The following ADAM19 variants were observed in gnomAD, a reference collection of about 807,000 sequenced individuals.
The protein encoded by ADAM19 is ADAM metallopeptidase domain 19.
A neutral mutation model predicts 114.7 loss-of-function variants in ADAM19; 65 were observed. That is an observed-to-expected ratio of 0.57 (90% confidence interval 0.46 to 0.70). ADAM19 has a LOEUF of 0.70. ADAM19 is among the 30% of genes least tolerant of loss of function. The pLI, the probability that ADAM19 is intolerant of heterozygous loss-of-function variation, is 0.00. For synonymous variants in ADAM19, 466 were observed against 460.5 expected (o/e 1.01, Z -0.15); for missense variants, 1,063 against 1,204.7 (o/e 0.88, Z 1.74).
At chr5:157,567,064 C>T (rs1398279975) in intron 2 of ADAM19, among the ~76,000 whole-genome samples, 1 of 152,188 alleles carries the variant, frequency 6.6e-6, no homozygotes, top group East Asian at 1.9e-4. Context: ...TTACTTCTTG[C>T]ATGTCTGAGA....
At chr5:157,488,932 A>C (rs2113693319) in intron 20 of ADAM19, among the ~76,000 whole-genome samples, 170 bp downstream of exon 20, 1 of 152,314 alleles carries the variant, frequency 6.6e-6, no homozygotes, top group African/African-American at 2.4e-5. Context: ...TGGGAGGCTG[A>C]GGCAGGAGAA....
At chr5:157,555,246 T>C (rs533685560) in intron 3 of ADAM19, among the ~76,000 whole-genome samples, 12 of 152,272 alleles carry the variant, frequency 7.9e-5, no homozygotes, top group South Asian at 4.1e-4. Context: ...TCTTCATTGG[T>C]TGGTTGTGAC....
At chr5:157,517,852 A>G (rs142994977) in intron 7 of ADAM19, among the ~76,000 whole-genome samples, 123 of 152,354 alleles carry the variant, frequency 8.1e-4, no homozygotes, top group African/African-American at 2.9e-3. Flanking sequence ...CTATGCCTTT[A>G]GGTCAGTGGT....
rs191259967 is a variant in ADAM19 at position 157,491,033 on chromosome 5, C to T, written c.2096-579G>A. ...AAGTGGTTAATGTAAATATAGAGAA[C>T]GTATTTGTACTAACAAAACACTACT... On this transcript the variant is annotated intron_variant, in intron 18 of 22. Transcript: ENST00000257527. Among the ~76,000 whole-genome samples, 1,157 of 152,046 alleles carry T rather than the reference C, an allele frequency of 7.6e-3. 7 individuals carry two copies. Among genetic ancestry groups the T allele is most frequent in the Non-Finnish European group, 0.013 (859 of 68,016 alleles).
At chr5:157,533,122 G>A (rs1756670080) in intron 4 of ADAM19, among the ~76,000 whole-genome samples, 1 of 152,154 alleles carries the variant, frequency 6.6e-6, no homozygotes, top group African/African-American at 2.4e-5. Flanking sequence ...CATGCAGCCA[G>A]ATCAAAGGAT....
intron 21 of ADAM19, among the ~76,000 whole-genome samples, chr5:157,484,350 C>T (rs1754859784): frequency 6.6e-6 from 1 of 152,168 alleles, no homozygotes; most frequent in Non-Finnish European, 1.5e-5. Context: ...ACATCTTTGG[C>T]TTCCAGAACA....
intron 3 of ADAM19, among the ~76,000 whole-genome samples, chr5:157,555,126 T>C (rs1056508141): frequency 6.6e-6 from 1 of 152,192 alleles, no homozygotes; most frequent in African/African-American, 2.4e-5. Flanking sequence ...CAAACAGATC[T>C]AGTTTCACAT....
intron 21 of ADAM19, among the ~76,000 whole-genome samples, chr5:157,485,281 A>AT (rs1294331625): frequency 1.3e-5 from 2 of 152,228 alleles, no homozygotes; most frequent in Non-Finnish European, 2.9e-5. Flanking sequence ...AGTGACTTTC[A>AT]TTTTTTAAAA....
intron 22 of ADAM19, chr5:157,481,517 G>C (rs1300536215): frequency 4.2e-6 from 5 of 1,185,128 alleles, no homozygotes; most frequent in Non-Finnish European, 5.8e-6. Context: ...ACAGACTCAA[G>C]AGGGACTTGC....
chr5:157,547,947 C>T (rs1177363907), intron 3 of ADAM19, among the ~76,000 whole-genome samples: 2 of 152,212 alleles, frequency 1.3e-5, no homozygotes, highest in African/African-American at 4.8e-5. Context: ...GCCTACAAGG[C>T]CCTTTAAGGA....
intron 2 of ADAM19, 86 bp downstream of exon 2, chr5:157,570,809 G>A (rs1757798274): frequency 1.7e-6 from 2 of 1,170,052 alleles, no homozygotes; most frequent in Non-Finnish European, 2.5e-6. Flanking sequence ...TAATGGTGAT[G>A]ACTGGGATTC....
Position 157,480,707 on chromosome 5 carries a change from A to G in ADAM19, c.*242T>C. On this transcript the variant is annotated 3_prime_UTR_variant, in exon 23 of 23. Coordinates refer to ENST00000257527, the MANE Select transcript of ADAM19 (RefSeq NM_033274.5). ...ACCCTCCTCATACTCTCCCCTCCCT[A>G]CCTGGGGCTGTATATTGCACAAAAC... The G allele has an allele frequency of 7.5e-7, 1 of 1,328,746 alleles. No individual in the cohort carries two copies. Among genetic ancestry groups the G allele is most frequent in the Non-Finnish European group, 9.6e-7 (1 of 1,037,892 alleles). 82.3% of individuals were successfully genotyped at this position (1,328,746 alleles called of 1,614,324 possible).
Sources: allele counts gnomAD v4.1 joint callset (sites outside exome capture counted in the v4.1 genomes callset), GRCh38; gene constraint gnomAD v4.1.1; transcripts MANE v1.5; gene names NCBI Gene and HGNC (gene_info 2026-07-23, HGNC 2026-07-21).